The following CSMD1 variants were observed in gnomAD, a reference collection of about 807,000 sequenced individuals.
CSMD1 encodes the protein CUB and sushi domain-containing protein 1.
CSMD1 carries 213 observed loss-of-function variants against 417.5 expected under a neutral mutation model. The observed-to-expected ratio is 0.51, with a 90% CI of 0.46 to 0.57. The LOEUF (loss-of-function observed/expected upper bound fraction) is 0.57. Ranked by LOEUF, CSMD1 falls within the 20% of genes least tolerant of loss-of-function variation. CSMD1 has a pLI of 0.00. For missense variants in CSMD1, 6,923 were observed against 4,529.7 expected (o/e 1.53, Z -15.17); for synonymous variants, 2,862 against 1,736.8 (o/e 1.65, Z -16.11).
At chr8:4,464,264 G>A (rs906603847) in intron 2 of CSMD1, among the ~76,000 whole-genome samples, 2 of 151,996 alleles carry the variant, frequency 1.3e-5, no homozygotes, top group Non-Finnish European at 1.5e-5. Context: ...TGCAGTGATT[G>A]TATGAAGCAC....
intron 5 of CSMD1, among the ~76,000 whole-genome samples, chr8:3,920,749 A>G (rs1482889561): frequency 2.6e-5 from 4 of 151,646 alleles, no homozygotes; most frequent in African/African-American, 4.8e-5. Context: ...TAAATATCAT[A>G]TTTTGTTAGT....
intron 23 of CSMD1, among the ~76,000 whole-genome samples, chr8:3,310,657 C>A (rs1805261562): frequency 6.6e-6 from 1 of 152,054 alleles, no homozygotes; most frequent in Non-Finnish European, 1.5e-5. Context: ...TGATCAGTAC[C>A]ACTGGAACAG....
chr8:3,962,072 T>C (rs982730193), intron 5 of CSMD1, among the ~76,000 whole-genome samples: 1 of 152,198 alleles, frequency 6.6e-6, no homozygotes, highest in East Asian at 1.9e-4. Context: ...ACCATCATTC[T>C]CAGAGATAAC....
At chr8:3,002,847 G>A (rs1426610490) in intron 52 of CSMD1, among the ~76,000 whole-genome samples, 2 of 152,122 alleles carry the variant, frequency 1.3e-5, no homozygotes, top group Admixed American at 1.3e-4. Flanking sequence ...TCTGACACAT[G>A]GTCATTTCGG....
chr8:4,292,168 T>C (rs1054494271), intron 3 of CSMD1, among the ~76,000 whole-genome samples: 1 of 152,148 alleles, frequency 6.6e-6, no homozygotes, highest in African/African-American at 2.4e-5. Context: ...AGCCCGGTCA[T>C]AGATTTCAGA....
intron 3 of CSMD1, among the ~76,000 whole-genome samples, chr8:4,043,892 C>A (rs532657932): frequency 6.6e-6 from 1 of 152,106 alleles, no homozygotes; most frequent in Non-Finnish European, 1.5e-5. Flanking sequence ...GTTAAGATAA[C>A]ACAGATAAAC....
In CSMD1 at chr8:3,795,326, G is replaced by T. The variant is rs376492977; in HGVS notation, c.819-41284C>A. 9.7e-4 allele frequency among the ~76,000 whole-genome samples: 22 copies of T among 22,626 alleles called. 5 individuals carry two copies. Among genetic ancestry groups the T allele is most frequent in the African/African-American group, 2.1e-3 (19 of 8,852 alleles). 14.8% of individuals were successfully genotyped at this position (22,626 alleles called of 152,430 possible). On this transcript the variant is annotated intron_variant, in intron 5 of 69. Coordinates refer to ENST00000635120, the MANE Select transcript of CSMD1 (RefSeq NM_033225.6). ...TATATATCTATCATGTACAGATATAGATATCTATCATGTAGATATAGATAT... is the reference window on the plus strand; with the variant it reads ...TATATATCTATCATGTACAGATATATATATCTATCATGTAGATATAGATAT...
At chr8:3,851,008 ATGTG>A (rs1171094094) in intron 5 of CSMD1, among the ~76,000 whole-genome samples, 2 of 152,226 alleles carry the variant, frequency 1.3e-5, no homozygotes, top group East Asian at 3.8e-4. Flanking sequence ...ATAAATATCT[ATGTG>A]TTTTTCCTGC....
chr8:3,973,927 G>A (rs1318140465), intron 5 of CSMD1, among the ~76,000 whole-genome samples: 3 of 152,200 alleles, frequency 2.0e-5, no homozygotes, highest in South Asian at 4.1e-4. Context: ...GGAATGCCAT[G>A]TGAAACATGC....
In CSMD1 at chr8:4,408,565, T is replaced by G. The variant is rs538809222; in HGVS notation, c.415+11388A>C. Among the ~76,000 whole-genome samples, 4 of 152,328 alleles carry G rather than the reference T, an allele frequency of 2.6e-5. No homozygotes were observed. The East Asian group carries it at 7.7e-4, about 29-fold the overall frequency. On this transcript the variant is annotated intron_variant, in intron 3 of 69. Coordinates refer to ENST00000635120, the MANE Select transcript of CSMD1 (RefSeq NM_033225.6). Reference sequence around the variant, plus strand: ...CTATTTAGATTTATATTACTCTGATTTGCACCAATGAATGAAAAGTGAAGG... The same window carrying G: ...CTATTTAGATTTATATTACTCTGATGTGCACCAATGAATGAAAAGTGAAGG...
intron 5 of CSMD1, among the ~76,000 whole-genome samples, chr8:3,802,228 T>C (rs1800494471): frequency 6.6e-6 from 1 of 152,152 alleles, no homozygotes; most frequent in African/African-American, 2.4e-5. Flanking sequence ...CTTAAAAATA[T>C]ACATGATAGA....
intron 5 of CSMD1, among the ~76,000 whole-genome samples, chr8:3,809,864 G>A (rs765107123): frequency 3.9e-5 from 6 of 152,108 alleles, no homozygotes; most frequent in East Asian, 1.9e-4. Context: ...TGGTGAGAAC[G>A]TCAATATCAC....
chr8:4,048,958 C>T (rs538856710), intron 3 of CSMD1, among the ~76,000 whole-genome samples: 23 of 152,136 alleles, frequency 1.5e-4, no homozygotes, highest in Admixed American at 3.3e-4. Flanking sequence ...ATAAATCTAT[C>T]GTATAAATGT....
intron 3 of CSMD1, among the ~76,000 whole-genome samples, chr8:4,383,856 C>A (rs889454007): frequency 6.6e-6 from 1 of 151,900 alleles, no homozygotes; most frequent in Non-Finnish European, 1.5e-5. Context: ...TGGAAATAAA[C>A]AGAATTTTAA....
rs755633465 is a variant in CSMD1, at chr8:2,973,298, T to G, written c.8742A>C (p.Gly2914=). The G allele has an allele frequency of 1.9e-6, 3 of 1,613,394 alleles. No homozygotes were observed. The highest frequency in any genetic ancestry group is 1.6e-4 in the Middle Eastern group (1 of 6,078). Residue 2914 remains glycine, a splice_region_variant and synonymous_variant, in exon 57 of 70, where the codon GGA becomes GGC. Transcript: ENST00000635120. ...GATCACCACAGAATCCAGGATTATT[T>G]CCTATTGAAAACAAACACATACGGC... is the stretch of plus-strand genomic sequence containing the variant. ...HWSGALPHCT[G]NNPGFCGDPG...
chr8:3,345,017 C>A (rs926074512), intron 22 of CSMD1, among the ~76,000 whole-genome samples: 7 of 152,184 alleles, frequency 4.6e-5, no homozygotes, highest in African/African-American at 1.4e-4. Context: ...CCAGAGGAAT[C>A]TGGGTCAAAG....
intron 2 of CSMD1, among the ~76,000 whole-genome samples, chr8:4,461,016 C>G (rs536716719): frequency 3.3e-5 from 5 of 152,130 alleles, no homozygotes; most frequent in African/African-American, 9.6e-5. Flanking sequence ...ATGCTCAAAA[C>G]AAATCAAGAA....
intron 7 of CSMD1, among the ~76,000 whole-genome samples, chr8:3,662,081 G>C (rs1330709783): frequency 2.0e-5 from 3 of 152,146 alleles, no homozygotes; most frequent in Non-Finnish European, 4.4e-5. Context: ...TGTAGAAACA[G>C]AGAAGGAGCA....
At chr8:3,667,470 T>C (rs1798755366) in intron 7 of CSMD1, among the ~76,000 whole-genome samples, 1 of 152,066 alleles carries the variant, frequency 6.6e-6, no homozygotes, top group Non-Finnish European at 1.5e-5. Flanking sequence ...ACTACAGCCC[T>C]GGCAAACAAT....
Sources: allele counts gnomAD v4.1 joint callset (sites outside exome capture counted in the v4.1 genomes callset), GRCh38; gene constraint gnomAD v4.1.1; transcripts MANE v1.5; gene names NCBI Gene and HGNC (gene_info 2026-07-23, HGNC 2026-07-21).